Variants in PCDH11Y observed in about 807,000 individuals in gnomAD.
PCDH11Y encodes the protein protocadherin-11 Y-linked.
For synonymous variants in PCDH11Y, 9 were observed against 83.6 expected, an observed-to-expected ratio of 0.11 and a Z score of 4.87; for missense variants, 12 against 224.8, an observed-to-expected ratio of 0.05 and a Z score of 6.05.
At chrY:5,045,505 A>T in intron 3 of PCDH11Y, among the ~76,000 whole-genome samples, 1 of 32,680 alleles carries the variant, frequency 3.1e-5, no homozygotes, top group Non-Finnish European at 7.5e-5. Flanking sequence ...GGGCTTCCCT[A>T]TGAGGGTAAC....
chrY:5,094,034 ATT>A (rs2052746057), intron 1 of PCDH11Y, among the ~76,000 whole-genome samples: 1 of 33,660 alleles, frequency 3.0e-5, no homozygotes, highest in Non-Finnish European at 7.5e-5. Flanking sequence ...GAAATAAATA[ATT>A]TTAAGTGGAT....
chrY:5,718,850 G>A (rs2053592226), intron 4 of PCDH11Y, among the ~76,000 whole-genome samples: 1 of 33,083 alleles, frequency 3.0e-5, no homozygotes, highest in Non-Finnish European at 7.4e-5. Context: ...AAGTTTCAAC[G>A]TTCCTAGAGA....
At chrY:5,575,019 T>C in intron 3 of PCDH11Y, among the ~76,000 whole-genome samples, 1 of 33,812 alleles carries the variant, frequency 3.0e-5, no homozygotes. Flanking sequence ...TCTCTTGCTA[T>C]ATACAAAAAT....
chrY:5,590,116 G>A (rs2053459593), intron 4 of PCDH11Y, among the ~76,000 whole-genome samples: 1 of 31,763 alleles, frequency 3.1e-5, no homozygotes, highest in African/African-American at 1.2e-4. Context: ...TCTCTCTCTC[G>A]CTCTCTGTTC....
In PCDH11Y at chrY:5,384,447, A is replaced by G. The variant is rs1602916143; in HGVS notation, c.3130-116610A>G. On this transcript the variant is annotated intron_variant, in intron 2 of 4. Coordinates refer to the PCDH11Y transcript ENST00000400457. The stretch of plus-strand genomic sequence containing the variant: ...TTCCATAGTCTGAGTAACGGCCAGT[A>G]TAGTTTAGTATTACAAAACTCCTGA... Among the ~76,000 whole-genome samples the G allele has an allele frequency of 1.3e-4, 4 of 30,404 alleles. No homozygotes were observed. The East Asian group carries it at 2.5e-3, about 19-fold the overall frequency. 81.6% of individuals were successfully genotyped at this position (30,404 alleles called of 37,273 possible). A position where few individuals can be genotyped will look rare whatever the true frequency, so the allele number is the denominator to read the frequency against.
At chrY:5,581,097 CA>C (rs2053450688) in intron 3 of PCDH11Y, among the ~76,000 whole-genome samples, 1 of 32,375 alleles carries the variant, frequency 3.1e-5, no homozygotes, top group Admixed American at 2.8e-4. Context: ...CATGATTTCA[CA>C]GTGTTTTGAA....
chrY:5,635,147 C>G, intron 4 of PCDH11Y, among the ~76,000 whole-genome samples: 1 of 32,992 alleles, frequency 3.0e-5, no homozygotes, highest in Non-Finnish European at 7.4e-5. Flanking sequence ...GCTCATGATT[C>G]AGTAAATGGG....
intron 2 of PCDH11Y, among the ~76,000 whole-genome samples, chrY:5,492,933 T>A (rs2053340407): frequency 1.8e-3 from 60 of 33,117 alleles, no homozygotes; most frequent in South Asian, 5.3e-3. Context: ...GTAAAAAAGA[T>A]GAAACAAACA....
chrY:5,523,453 C>T, intron 3 of PCDH11Y, among the ~76,000 whole-genome samples: 1 of 32,885 alleles, frequency 3.0e-5, no homozygotes, highest in Non-Finnish European at 7.5e-5. Context: ...ATCTCTTATA[C>T]ATTTCAGTTT....
At chrY:5,455,321 G>A in intron 2 of PCDH11Y, among the ~76,000 whole-genome samples, 1 of 33,343 alleles carries the variant, frequency 3.0e-5, no homozygotes, top group Non-Finnish European at 7.4e-5. Context: ...GTACTTCATG[G>A]TCCATATCAC....
intron 2 of PCDH11Y, among the ~76,000 whole-genome samples, chrY:5,422,252 C>T: frequency 3.8e-5 from 1 of 26,265 alleles, no homozygotes; most frequent in African/African-American, 1.5e-4. Flanking sequence ...AGGAGGTGAA[C>T]GACTTGTAGA....
chrY:5,259,260 G>C lies in PCDH11Y; in HGVS notation c.3129+158553G>C. 1.2e-4 allele frequency among the ~76,000 whole-genome samples: 4 copies of C among 32,784 alleles called. No homozygotes were observed. In the East Asian group the frequency reaches 3.2e-3, roughly 26 times the overall value. 88.0% of individuals were successfully genotyped at this position (32,784 alleles called of 37,273 possible). On this transcript the variant is annotated intron_variant, in intron 2 of 4. Transcript: ENST00000400457. ...TTTTTTATCCATTCAGCTGTTTTAT[G>C]CCTTTTGAATGGAGAGTTTAGTCTA... is the stretch of plus-strand genomic sequence containing the variant.
chrY:5,585,081 T>A (rs2053454022), intron 4 of PCDH11Y, among the ~76,000 whole-genome samples: 3 of 31,481 alleles, frequency 9.5e-5, no homozygotes, highest in Non-Finnish European at 2.3e-4. Flanking sequence ...ATAGAATGAT[T>A]AATATTCCTT....
chrY:5,700,449 G>C, intron 4 of PCDH11Y, among the ~76,000 whole-genome samples: 3 of 32,808 alleles, frequency 9.1e-5, no homozygotes, highest in African/African-American at 2.4e-4. Context: ...TAGGATAATT[G>C]AGTAACGGGG....
At chrY:5,148,415 A>G in intron 2 of PCDH11Y, among the ~76,000 whole-genome samples, 1 of 32,849 alleles carries the variant, frequency 3.0e-5, no homozygotes, top group African/African-American at 1.2e-4. Context: ...ACTAAGAAAT[A>G]TATTAGTATC....
intron 2 of PCDH11Y, among the ~76,000 whole-genome samples, chrY:5,130,704 A>G (rs2052832743): frequency 3.2e-5 from 1 of 31,261 alleles, no homozygotes. Flanking sequence ...CAACATTGTG[A>G]AACCCTGTCT....
chrY:5,573,502 C>A, intron 3 of PCDH11Y: 1 of 320,147 alleles, frequency 3.1e-6, no homozygotes, highest in Non-Finnish European at 4.7e-6. Flanking sequence ...AAGAAGGGAC[C>A]CCAGGTCAAA....
chrY:5,081,256 T>G, intron 1 of PCDH11Y, among the ~76,000 whole-genome samples: 1 of 31,340 alleles, frequency 3.2e-5, no homozygotes, highest in East Asian at 8.3e-4. Context: ...AGTACCATGC[T>G]ATTTTGGTTA....
chrY:5,267,736 T>C, intron 2 of PCDH11Y, among the ~76,000 whole-genome samples: 1 of 33,358 alleles, frequency 3.0e-5, no homozygotes, highest in Non-Finnish European at 7.4e-5. Context: ...TCTTTTGGCA[T>C]ATTGGCACAT....
Sources: allele counts gnomAD v4.1 joint callset (sites outside exome capture counted in the v4.1 genomes callset), GRCh38; gene constraint gnomAD v4.1.1; transcripts MANE v1.5; gene names NCBI Gene and HGNC (gene_info 2026-07-23, HGNC 2026-07-21).